The following AGAP1 variants were observed in gnomAD, a reference collection of about 807,000 sequenced individuals.
AGAP1 encodes ArfGAP with GTPase domain, ankyrin repeat and PH domain 1.
Under a neutral mutation model 105.3 loss-of-function variants are expected in AGAP1, and 29 were observed. The observed-to-expected ratio is 0.28, with a 90% CI of 0.21 to 0.38. The LOEUF is 0.38. Ranked by LOEUF, AGAP1 falls within the 10% of genes least tolerant of loss-of-function variation. AGAP1 has a pLI of 1.00. For synonymous variants in AGAP1, 509 were observed against 485.9 expected, an observed-to-expected ratio of 1.05 and a Z score of -0.63; for missense variants, 998 against 1,165.1, an observed-to-expected ratio of 0.86 and a Z score of 2.09.
chr2:235,741,124 GA>G lies in AGAP1; in HGVS notation c.396+79del. 1 of 1,284,894 alleles carries G rather than the reference GA, an allele frequency of 7.8e-7. No homozygotes were observed. The highest frequency in any genetic ancestry group is 1.0e-6 in the Non-Finnish European group (1 of 957,906). The allele number at this position is 1,284,894 out of a possible 1,614,324, so 79.6% of individuals were successfully genotyped here. A position where few individuals can be genotyped will look rare whatever the true frequency, so the allele number is the denominator to read the frequency against. The stretch of plus-strand genomic sequence containing the variant: ...AGGTTTGATTCAAGAAGTGCTTCTA[GA>G]AATCGGTGACTTGGTTTCCAAAAAA... On this transcript the variant is annotated intron_variant, in intron 4 of 17. Transcript: ENST00000304032. The surrounding 1 kb of genome is among the most constrained non-coding windows in gnomAD (Gnocchi z 4.9).
At position 235,841,618 on chromosome 2, in the gene AGAP1, G is replaced by A. The variant is rs149324901; in HGVS notation, c.1050+34287G>A. ...GCACTCCAGTGTGAGCTGTGAGAGAGCAAGACCATGTCTGAAAAAAGAAAA... is the reference window on the plus strand; with the variant it reads ...GCACTCCAGTGTGAGCTGTGAGAGAACAAGACCATGTCTGAAAAAAGAAAA... On this transcript the variant is annotated intron_variant, in intron 9 of 17. Coordinates refer to ENST00000304032, the MANE Select transcript of AGAP1 (RefSeq NM_001037131.3). Among the ~76,000 whole-genome samples the A allele has an allele frequency of 9.7e-4, 147 of 152,268 alleles. 1 individual carries two copies. The East Asian group carries it at 0.026, about 27-fold the overall frequency.
intron 1 of AGAP1, among the ~76,000 whole-genome samples, chr2:235,627,659 G>C (rs891773918): frequency 6.6e-6 from 1 of 152,140 alleles, no homozygotes. Flanking sequence ...TTTGGGGTCT[G>C]TGTCCCCCAG....
At chr2:235,613,081 G>T (rs1410194247) in intron 1 of AGAP1, among the ~76,000 whole-genome samples, 9 of 149,882 alleles carry the variant, frequency 6.0e-5, no homozygotes, top group African/African-American at 2.2e-4. Context: ...TGGATAGAGT[G>T]CAGTGGTACG....
intron 9 of AGAP1, among the ~76,000 whole-genome samples, chr2:235,811,765 C>CA (rs1458884069): frequency 2.0e-5 from 3 of 152,234 alleles, no homozygotes; most frequent in African/African-American, 7.2e-5. Context: ...CAGGGTGTCT[C>CA]ACGCTCTTGG....
intron 2 of AGAP1, 95 bp downstream of exon 2, chr2:235,709,332 G>T: frequency 1.4e-6 from 2 of 1,382,042 alleles, no homozygotes; most frequent in Non-Finnish European, 1.0e-6. Flanking sequence ...ATCGCCTGGG[G>T]CCCAGAGTGG....
chr2:236,035,613 G>A lies in AGAP1; in HGVS notation c.1646-948G>A, dbSNP rs2057356798. Among the ~76,000 whole-genome samples, 1 of 152,142 alleles carries A rather than the reference G, an allele frequency of 6.6e-6. No individual in the cohort carries two copies. The highest frequency in any genetic ancestry group is 2.4e-5 in the African/African-American group (1 of 41,404). ...CACTCCAGCTTGGACAACAAAGTGG[G>A]ACTCCATCTCAAAAACAGTTCTTCG... On this transcript the variant is annotated intron_variant, in intron 13 of 17. Coordinates refer to ENST00000304032, the MANE Select transcript of AGAP1 (RefSeq NM_001037131.3). The surrounding 1 kb of genome is among the most constrained non-coding windows in gnomAD (Gnocchi z 4.2).
At position 235,705,820 on chromosome 2, in the gene AGAP1, A is replaced by G. The variant is rs571464462; in HGVS notation, c.164-3359A>G. Among the ~76,000 whole-genome samples the G allele has an allele frequency of 7.2e-5, 11 of 152,340 alleles. No individual in the cohort carries two copies. Among genetic ancestry groups the G allele is most frequent in the Non-Finnish European group, 1.5e-4 (10 of 68,030 alleles). On this transcript the variant is annotated intron_variant, in intron 1 of 17. Coordinates refer to ENST00000304032, the MANE Select transcript of AGAP1 (RefSeq NM_001037131.3). This position sits in a 1 kb window ranked among gnomAD's most constrained non-coding sequence, Gnocchi z 4.9. ...ATTTGCAAGTAAAAAGATGCTTCAC[A>G]TTGTTCCAATGTTTATATAATCATG... is the stretch of plus-strand genomic sequence containing the variant.
chr2:235,852,385 G>T lies in AGAP1; in HGVS notation c.1051-30960G>T, dbSNP rs537319866. ...AGGGCCCTCCTAGCGTGCGCGGAGG[G>T]GGCTTGGGGTGGAAAGGGGGGGGAA... On this transcript the variant is annotated intron_variant, in intron 9 of 17. Transcript: ENST00000304032. Among the ~76,000 whole-genome samples the T allele has an allele frequency of 2.2e-3, 331 of 152,322 alleles. 2 individuals carry two copies. The highest frequency in any genetic ancestry group is 7.6e-3 in the African/African-American group (315 of 41,572).
At chr2:235,672,033 C>T (rs755703761) in intron 1 of AGAP1, among the ~76,000 whole-genome samples, 11 of 150,924 alleles carry the variant, frequency 7.3e-5, no homozygotes, top group Non-Finnish European at 1.5e-4. Context: ...GACAAGAGGC[C>T]ATGCATTTTT....
At chr2:236,010,835 C>A (rs1198852276) in intron 13 of AGAP1, among the ~76,000 whole-genome samples, 11 of 152,072 alleles carry the variant, frequency 7.2e-5, no homozygotes, top group African/African-American at 2.2e-4. Context: ...TTGTCTTAAC[C>A]TGAGTTTTTC....
rs1356611752 is a variant in AGAP1, at chr2:235,830,188, C to T, written c.1050+22857C>T. ...CTGGGAGGCCCAGAAAAGATGCAGA[C>T]AAGGTAGGAGTCGGCTCTGTGTGAC... On this transcript the variant is annotated intron_variant, in intron 9 of 17. Coordinates refer to ENST00000304032, the MANE Select transcript of AGAP1 (RefSeq NM_001037131.3). The surrounding 1 kb of genome is among the most constrained non-coding windows in gnomAD (Gnocchi z 5.5). 6.6e-6 allele frequency among the ~76,000 whole-genome samples: 1 copy of T among 152,142 alleles called. No homozygotes were observed. Among genetic ancestry groups the T allele is most frequent in the Non-Finnish European group, 1.5e-5 (1 of 68,010 alleles).
chr2:235,923,641 T>C (rs575045520), intron 11 of AGAP1, among the ~76,000 whole-genome samples: 3 of 152,278 alleles, frequency 2.0e-5, no homozygotes, highest in African/African-American at 7.2e-5. Context: ...CTCTGTGTTC[T>C]GTGTGTGATG....
intron 9 of AGAP1, among the ~76,000 whole-genome samples, chr2:235,825,557 C>T (rs149569395): frequency 1.3e-5 from 2 of 152,194 alleles, no homozygotes; most frequent in Admixed American, 1.3e-4. Context: ...ATTTCAGTGT[C>T]TGCTTTTAAA....
In AGAP1 at chr2:236,114,758, A is replaced by G. The variant is rs928640094; in HGVS notation, c.2115-5434A>G. Among the ~76,000 whole-genome samples, 2 of 152,280 alleles carry G rather than the reference A, an allele frequency of 1.3e-5. No individual in the cohort carries two copies. The highest frequency in any genetic ancestry group is 1.9e-4 in the East Asian group (1 of 5,164). ...CCTTAATTCTCTTCCTGAAGACCCCATCTCCACATACAGCAACATTGAGGG... is the reference window on the plus strand; with the variant it reads ...CCTTAATTCTCTTCCTGAAGACCCCGTCTCCACATACAGCAACATTGAGGG... On this transcript the variant is annotated intron_variant, in intron 16 of 17. Coordinates refer to ENST00000304032, the MANE Select transcript of AGAP1 (RefSeq NM_001037131.3). The surrounding 1 kb of genome is among the most constrained non-coding windows in gnomAD (Gnocchi z 5.0).
intron 13 of AGAP1, among the ~76,000 whole-genome samples, chr2:236,008,736 G>A (rs371672602): frequency 3.7e-4 from 56 of 152,168 alleles, no homozygotes; most frequent in Non-Finnish European, 6.9e-4. Context: ...TATGTAGAAC[G>A]CCTTGGCAGT....
rs533067438 is a variant in AGAP1 at position 236,068,784 on chromosome 2, C to T, written c.2114+19503C>T. ...CACTGCACTCCAGCCTGGGCGACAGCGAGACTCCGTCTCAAAAAAAAAAAA... is the reference window on the plus strand; with the variant it reads ...CACTGCACTCCAGCCTGGGCGACAGTGAGACTCCGTCTCAAAAAAAAAAAA... On this transcript the variant is annotated intron_variant, in intron 16 of 17. Transcript: ENST00000304032. Among the ~76,000 whole-genome samples the T allele has an allele frequency of 6.9e-3, 822 of 118,328 alleles. 10 individuals carry two copies. Among genetic ancestry groups the T allele is most frequent in the African/African-American group, 0.026 (759 of 29,522 alleles). 77.6% of individuals were successfully genotyped at this position (118,328 alleles called of 152,430 possible).
At chr2:235,500,356 C>T (rs192870900) in intron 1 of AGAP1, among the ~76,000 whole-genome samples, 6 of 152,116 alleles carry the variant, frequency 3.9e-5, no homozygotes, top group South Asian at 2.1e-4. Flanking sequence ...CCATACCTCC[C>T]GAGTTTCTAG....
intron 1 of AGAP1, among the ~76,000 whole-genome samples, chr2:235,593,401 G>T (rs1290375874): frequency 6.6e-6 from 1 of 150,442 alleles, no homozygotes; most frequent in Non-Finnish European, 1.5e-5. Flanking sequence ...AGTGATATTA[G>T]TATGTTTTTT....
At position 235,812,581 on chromosome 2, in the gene AGAP1, C is replaced by T. The variant is rs143362905; in HGVS notation, c.1050+5250C>T. Among the ~76,000 whole-genome samples, 126 of 152,366 alleles carry T rather than the reference C, an allele frequency of 8.3e-4. 1 individual carries two copies. In the East Asian group the frequency reaches 0.02, roughly 24 times the overall value. On this transcript the variant is annotated intron_variant, in intron 9 of 17. Transcript: ENST00000304032. ...AACAGCTCCTGAAACTTTGACACTG[C>T]TCACAGCGAGTTGGTTGACTGCTTC...
Sources: gnomAD v4.1 joint callset for allele counts (sites outside exome capture counted in the v4.1 genomes callset) on GRCh38, gnomAD v4.1.1 for gene constraint, Gnocchi (gnomAD v3.1) non-coding constraint, MANE v1.5 for transcripts, NCBI Gene and HGNC (gene_info 2026-07-23, HGNC 2026-07-21) for gene names.